NCMAP: variants seen among roughly 807,000 people sequenced by gnomAD.
The protein encoded by NCMAP is noncompact myelin-associated protein.
In NCMAP, 8 loss-of-function variants were observed where a neutral mutation model predicts 7.8. The observed-to-expected ratio is 1.02, with a 90% CI of 0.60 to 1.84. NCMAP has a LOEUF of 1.84. NCMAP is among the 40% of genes most tolerant of loss of function. The pLI, the probability that NCMAP is intolerant of heterozygous loss-of-function variation, is 0.00. For synonymous variants in NCMAP, 41 were observed against 52.9 expected (o/e 0.78, Z 0.98); for missense variants, 112 against 131.4 (o/e 0.85, Z 0.72).
At chr1:24,574,493 T>G (rs1201878729) in intron 1 of NCMAP, among the ~76,000 whole-genome samples, 1 of 152,196 alleles carries the variant, frequency 6.6e-6, no homozygotes, top group Non-Finnish European at 1.5e-5. Context: ...ACGCTCCTGA[T>G]GTCCCAAGGT....
At chr1:24,568,893 G>A (rs1182891661) in intron 1 of NCMAP, among the ~76,000 whole-genome samples, 1 of 152,136 alleles carries the variant, frequency 6.6e-6, no homozygotes, top group East Asian at 1.9e-4. Context: ...AAGTAGCTAG[G>A]ACTAGAGGCA....
intron 1 of NCMAP, among the ~76,000 whole-genome samples, chr1:24,563,167 C>T (rs901578869): frequency 6.6e-6 from 1 of 152,208 alleles, no homozygotes; most frequent in Non-Finnish European, 1.5e-5. Context: ...AATACAAGAA[C>T]AAAAAGTCAC....
chr1:24,578,407 CG>C (rs1651651070), intron 1 of NCMAP, among the ~76,000 whole-genome samples: 1 of 122,166 alleles, frequency 8.2e-6, no homozygotes, highest in Non-Finnish European at 1.6e-5. Flanking sequence ...TCCTGGGACA[CG>C]GAGTTGCTTC....
chr1:24,602,818 G>A (rs957942482), intron 3 of NCMAP, among the ~76,000 whole-genome samples: 1 of 151,840 alleles, frequency 6.6e-6, no homozygotes, highest in African/African-American at 2.4e-5. Context: ...ACTTTGGGAG[G>A]CTGAGGCGGG....
chr1:24,562,573 C>A (rs374553060), intron 1 of NCMAP, among the ~76,000 whole-genome samples: 1 of 152,216 alleles, frequency 6.6e-6, no homozygotes, highest in Non-Finnish European at 1.5e-5. Context: ...GACCCCGGAG[C>A]CTGAACTCTT....
intron 1 of NCMAP, among the ~76,000 whole-genome samples, chr1:24,585,502 T>G (rs1651856680): frequency 6.6e-6 from 1 of 152,196 alleles, no homozygotes; most frequent in African/African-American, 2.4e-5. Context: ...TGGAAGACAC[T>G]GGTTCTTGTG....
At chr1:24,595,620 C>G in intron 2 of NCMAP, 108 bp downstream of exon 2, 2 of 804,790 alleles carry the variant, frequency 2.5e-6, no homozygotes, top group Non-Finnish European at 4.1e-6. Context: ...GCCTGGGTCT[C>G]AGGCCCAGTT....
chr1:24,581,052 G>T (rs56253708), intron 1 of NCMAP, among the ~76,000 whole-genome samples: 1 of 150,986 alleles, frequency 6.6e-6, no homozygotes, highest in Non-Finnish European at 1.5e-5. Flanking sequence ...GTGCCAGGGG[G>T]TTCAGGATGA....
intron 2 of NCMAP, among the ~76,000 whole-genome samples, chr1:24,597,842 A>G (rs1652314349): frequency 6.6e-6 from 1 of 152,172 alleles, no homozygotes; most frequent in African/African-American, 2.4e-5. Flanking sequence ...TGTGTCATAC[A>G]ATATTTGAGA....
chr1:24,571,655 G>A (rs773992579), intron 1 of NCMAP, among the ~76,000 whole-genome samples: 31 of 149,310 alleles, frequency 2.1e-4, no homozygotes, highest in South Asian at 1.3e-3. Context: ...GCACGATCTC[G>A]GCTCACTGCA....
At chr1:24,557,879 G>T (rs1156718577) in intron 1 of NCMAP, among the ~76,000 whole-genome samples, 1 of 152,102 alleles carries the variant, frequency 6.6e-6, no homozygotes, top group Non-Finnish European at 1.5e-5. Flanking sequence ...TGAGGAACTG[G>T]CTGGGCTCTG....
chr1:24,575,126 T>C (rs1651512171), intron 1 of NCMAP, among the ~76,000 whole-genome samples: 1 of 151,898 alleles, frequency 6.6e-6, no homozygotes, highest in Non-Finnish European at 1.5e-5. Flanking sequence ...ATTAAGATGT[T>C]TTAATTTCTG....
chr1:24,566,157 C>A (rs1311830679), intron 1 of NCMAP, among the ~76,000 whole-genome samples: 1 of 152,180 alleles, frequency 6.6e-6, no homozygotes, highest in Non-Finnish European at 1.5e-5. Context: ...TTGGGCAGTT[C>A]TTTATAGCAG....
chr1:24,573,579 C>T (rs1651450577), intron 1 of NCMAP, among the ~76,000 whole-genome samples: 1 of 149,200 alleles, frequency 6.7e-6, no homozygotes, highest in Non-Finnish European at 1.5e-5. Context: ...CATAGCAAGA[C>T]TCTGTCCCCC....
At chr1:24,595,576 C>A in intron 2 of NCMAP, 64 bp downstream of exon 2, 1 of 1,346,916 alleles carries the variant, frequency 7.4e-7, no homozygotes, top group Non-Finnish European at 1.1e-6. Flanking sequence ...GGTCATAGTG[C>A]AGAGGTTAAG....
rs529069166 is a variant in NCMAP, at chr1:24,595,626, C to T, written c.82+114C>T. 23 of 722,646 alleles carry T rather than the reference C, an allele frequency of 3.2e-5. No homozygotes were observed. The South Asian group carries it at 3.8e-4, about 12-fold the overall frequency. 44.8% of individuals were successfully genotyped at this position (722,646 alleles called of 1,614,324 possible). Reference sequence around the variant, plus strand: ...AGGTGGACTGCCTGGGTCTCAGGCCCAGTTCTGCCACGTGCCAACTGCAGC... The same window carrying T: ...AGGTGGACTGCCTGGGTCTCAGGCCTAGTTCTGCCACGTGCCAACTGCAGC... On this transcript the variant is annotated intron_variant, in intron 2 of 3. Transcript: ENST00000374392.
chr1:24,564,238 A>C (rs1651146235), intron 1 of NCMAP, among the ~76,000 whole-genome samples: 1 of 152,056 alleles, frequency 6.6e-6, no homozygotes, highest in East Asian at 1.9e-4. Context: ...GGCCAGGCGC[A>C]GTGGCTCACG....
chr1:24,586,142 C>T (rs1447843809), intron 1 of NCMAP, among the ~76,000 whole-genome samples: 2 of 152,122 alleles, frequency 1.3e-5, no homozygotes, highest in African/African-American at 2.4e-5. Context: ...AATGAAAGAG[C>T]GGCTCAGTTT....
intron 1 of NCMAP, among the ~76,000 whole-genome samples, chr1:24,581,220 G>A (rs1327484964): frequency 6.6e-6 from 1 of 151,678 alleles, no homozygotes; most frequent in African/African-American, 2.4e-5. Flanking sequence ...AGGTTCAAGC[G>A]ATTCTCCTGC....
Sources: allele counts gnomAD v4.1 joint callset (sites outside exome capture counted in the v4.1 genomes callset), GRCh38; gene constraint gnomAD v4.1.1; transcripts MANE v1.5; gene names NCBI Gene and HGNC (gene_info 2026-07-23, HGNC 2026-07-21).